The following SORCS3 variants were observed in gnomAD, a reference collection of about 807,000 sequenced individuals.
SORCS3 encodes the protein sortilin related VPS10 domain containing receptor 3.
SORCS3 carries 57 observed loss-of-function variants against 146.3 expected under a neutral mutation model. The observed-to-expected ratio is 0.39, with a 90% CI of 0.31 to 0.49. SORCS3 has a LOEUF of 0.49. Ranked by LOEUF, SORCS3 falls within the 20% of genes least tolerant of loss-of-function variation. The probability of loss-of-function intolerance (pLI) is 0.92; values close to 1 mark genes in which losing one functional copy is unlikely to be tolerated. For missense variants in SORCS3, 1,341 were observed against 1,575.5 expected (o/e 0.85, Z 2.52); for synonymous variants, 653 against 618.5 (o/e 1.06, Z -0.83).
At chr10:104,744,045 G>A (rs2016880206) in intron 1 of SORCS3, among the ~76,000 whole-genome samples, 1 of 152,140 alleles carries the variant, frequency 6.6e-6, no homozygotes, top group South Asian at 2.1e-4. Context: ...AACACTGTGA[G>A]ATGGACATTA....
chr10:105,008,801 C>T (rs1186944190), intron 4 of SORCS3, among the ~76,000 whole-genome samples: 1 of 152,176 alleles, frequency 6.6e-6, no homozygotes, highest in Non-Finnish European at 1.5e-5. Flanking sequence ...CATATGCCAT[C>T]ACTGCTGGCT....
At chr10:104,857,098 A>T (rs945642590) in intron 2 of SORCS3, among the ~76,000 whole-genome samples, 1 of 148,584 alleles carries the variant, frequency 6.7e-6, no homozygotes, top group Non-Finnish European at 1.5e-5. Flanking sequence ...GTGTGAGGGG[A>T]TGGGCATGCT....
At chr10:104,936,285 A>C (rs1043201120) in intron 3 of SORCS3, among the ~76,000 whole-genome samples, 37 of 152,218 alleles carry the variant, frequency 2.4e-4, no homozygotes, top group African/African-American at 8.7e-4. Context: ...AAAAATGGCT[A>C]ACATTGTGTT....
chr10:104,841,193 T>C (rs1185528222), intron 1 of SORCS3, among the ~76,000 whole-genome samples: 2 of 152,168 alleles, frequency 1.3e-5, no homozygotes, highest in Non-Finnish European at 2.9e-5. Flanking sequence ...AGGAAACTAG[T>C]TATGAATGGG....
intron 7 of SORCS3, among the ~76,000 whole-genome samples, chr10:105,108,617 C>T (rs1283521318): frequency 2.0e-5 from 3 of 152,112 alleles, no homozygotes; most frequent in Admixed American, 1.3e-4. Context: ...GGTGCTAGAT[C>T]CCACTGGGCC....
At chr10:104,677,984 G>T (rs1011014434) in intron 1 of SORCS3, among the ~76,000 whole-genome samples, 1 of 152,092 alleles carries the variant, frequency 6.6e-6, no homozygotes, top group African/African-American at 2.4e-5. Flanking sequence ...CCAGACATTT[G>T]TTTAAAGCAG....
At chr10:104,852,279 A>C (rs774212696) in intron 2 of SORCS3, among the ~76,000 whole-genome samples, 20 of 152,196 alleles carry the variant, frequency 1.3e-4, no homozygotes, top group Non-Finnish European at 2.4e-4. Context: ...TGGGACCCCA[A>C]TCTGGATCTT....
intron 7 of SORCS3, among the ~76,000 whole-genome samples, chr10:105,134,241 G>T (rs966185108): frequency 2.5e-4 from 38 of 152,178 alleles, no homozygotes; most frequent in African/African-American, 8.7e-4. Context: ...CTGTAGAGTT[G>T]TTATGAGGAT....
chr10:104,996,764 G>T (rs560680322), intron 4 of SORCS3, among the ~76,000 whole-genome samples: 3 of 152,178 alleles, frequency 2.0e-5, no homozygotes, highest in Non-Finnish European at 4.4e-5. Flanking sequence ...GTGTGAGAAA[G>T]CATTTTGAAA....
chr10:105,067,972 C>A (rs2055532953), intron 5 of SORCS3, among the ~76,000 whole-genome samples: 1 of 152,010 alleles, frequency 6.6e-6, no homozygotes, highest in South Asian at 2.1e-4. Flanking sequence ...CACATTTCCC[C>A]ACTCTCATCA....
At chr10:104,865,944 AG>A (rs1331210692) in intron 2 of SORCS3, among the ~76,000 whole-genome samples, 1 of 152,186 alleles carries the variant, frequency 6.6e-6, no homozygotes, top group Non-Finnish European at 1.5e-5. Context: ...GGAGGCATGT[AG>A]GGGTCAGAGA....
intron 1 of SORCS3, among the ~76,000 whole-genome samples, chr10:104,832,633 G>A (rs1306092758): frequency 3.9e-5 from 6 of 152,176 alleles, no homozygotes; most frequent in South Asian, 2.1e-4. Flanking sequence ...CAGGAGAATC[G>A]TTTGAACCCA....
chr10:105,120,497 G>A (rs192152205), intron 7 of SORCS3, among the ~76,000 whole-genome samples: 12 of 152,222 alleles, frequency 7.9e-5, no homozygotes, highest in Admixed American at 5.2e-4. Flanking sequence ...GAGACTGGGA[G>A]GCTCTAGCAA....
intron 13 of SORCS3, among the ~76,000 whole-genome samples, chr10:105,168,002 T>C (rs1371137785): frequency 6.6e-6 from 1 of 152,022 alleles, no homozygotes; most frequent in Non-Finnish European, 1.5e-5. Context: ...AGGGGAAATA[T>C]TTTCATGAAT....
At chr10:104,876,454 T>C (rs943220585) in intron 2 of SORCS3, among the ~76,000 whole-genome samples, 3 of 152,164 alleles carry the variant, frequency 2.0e-5, no homozygotes, top group African/African-American at 7.2e-5. Flanking sequence ...CTGGCACTTA[T>C]AGATCTGTTT....
chr10:104,826,507 T>A (rs2017937061), intron 1 of SORCS3, among the ~76,000 whole-genome samples: 2 of 152,232 alleles, frequency 1.3e-5, no homozygotes, highest in Non-Finnish European at 2.9e-5. Context: ...TACATTATAC[T>A]GTCATCTATT....
intron 2 of SORCS3, among the ~76,000 whole-genome samples, chr10:104,871,012 C>A (rs2018513613): frequency 6.6e-6 from 1 of 152,122 alleles, no homozygotes; most frequent in African/African-American, 2.4e-5. Flanking sequence ...GCAGAGCAGC[C>A]CTCCATACTC....
At chr10:105,022,789 C>G (rs760252996) in intron 4 of SORCS3, among the ~76,000 whole-genome samples, 5 of 152,136 alleles carry the variant, frequency 3.3e-5, no homozygotes, top group Non-Finnish European at 5.9e-5. Context: ...GTTACATCCT[C>G]TAAGCACCTC....
intron 2 of SORCS3, among the ~76,000 whole-genome samples, chr10:104,864,843 G>A (rs1324958505): frequency 6.6e-6 from 1 of 152,102 alleles, no homozygotes; most frequent in Non-Finnish European, 1.5e-5. Context: ...CTGCCTGGGG[G>A]CTTCACACCT....
Sources: gnomAD v4.1 joint callset for allele counts (sites outside exome capture counted in the v4.1 genomes callset) on GRCh38, gnomAD v4.1.1 for gene constraint, MANE v1.5 for transcripts, NCBI Gene and HGNC (gene_info 2026-07-23, HGNC 2026-07-21) for gene names.